Variants in CDH23 observed in about 807,000 individuals in gnomAD.
The protein encoded by CDH23 is cadherin-23.
CDH23 carries 189 observed loss-of-function variants against 317.1 expected under a neutral mutation model. The observed-to-expected ratio is 0.60, with a 90% CI of 0.53 to 0.67. The LOEUF (loss-of-function observed/expected upper bound fraction) is 0.67, where lower values mean the gene tolerates loss of function less well. CDH23 is among the 30% of genes least tolerant of loss of function. The pLI, the probability that CDH23 is intolerant of heterozygous loss-of-function variation, is 0.00. For synonymous variants in CDH23, 1,839 were observed against 1,876.8 expected (o/e 0.98, Z 0.52); for missense variants, 4,401 against 4,592.4 (o/e 0.96, Z 1.20).
In CDH23 at chr10:71,566,845, T is replaced by G; in HGVS notation, c.533T>G (p.Phe178Cys). The G allele has an allele frequency of 6.2e-7, 1 of 1,613,916 alleles. No individual in the cohort carries two copies. The highest frequency in any genetic ancestry group is 8.5e-7 in the Non-Finnish European group (1 of 1,179,874). Residue 178 changes from phenylalanine to cysteine, a missense_variant, in exon 7 of 70, where the codon TTC (phenylalanine) becomes TGC (cysteine). Physicochemically the swap from Phe to Cys is radical, Grantham distance 205. This residue lies in a region of CDH23 where 3,068 missense variants were observed against 3,203.3 expected (regional missense o/e 0.96). Transcript: ENST00000224721. ...LYSFQPPSQF[F>C]AIDSARGIVT... The stretch of plus-strand genomic sequence containing the variant: ...TCCTTCCAGCCCCCCTCCCAATTCT[T>G]CGCCATTGACAGCGCCCGCGGTATC...
In CDH23 at chr10:71,741,821, G is replaced by A. The variant is rs1839742231; in HGVS notation, c.4745G>A (p.Ser1582Asn). The part of the protein sequence containing the change: ...KDMAFRMDRI[S>N]GEIATRPAPP... The stretch of plus-strand genomic sequence containing the variant: ...ATGGCCTTCCGCATGGACCGCATCA[G>A]CGGTGAGATCGCCACACGGCCTGCC... The change falls in exon 38 of 70, where the codon AGC becomes AAC. Residue 1582 changes from serine (S) to asparagine (N), a missense_variant. Coordinates refer to ENST00000224721, the MANE Select transcript of CDH23 (RefSeq NM_022124.6). 1 of 1,611,916 alleles carries A rather than the reference G, an allele frequency of 6.2e-7. No individual in the cohort carries two copies. The highest frequency in any genetic ancestry group is 1.3e-5 in the African/African-American group (1 of 74,910).
intron 38 of CDH23, among the ~76,000 whole-genome samples, chr10:71,771,376 G>A (rs188602172): frequency 9.2e-5 from 14 of 152,288 alleles, no homozygotes; most frequent in East Asian, 1.9e-4. Flanking sequence ...GGCTGGCCCC[G>A]GCCACTCTAT....
At chr10:71,701,111 G>A (rs1374675325) in intron 22 of CDH23, among the ~76,000 whole-genome samples, 2 of 152,214 alleles carry the variant, frequency 1.3e-5, no homozygotes, top group Non-Finnish European at 2.9e-5. Context: ...AGGGTCGGGG[G>A]TGAGCGAGGG....
chr10:71,777,397 G>A (rs1034927350), intron 38 of CDH23, among the ~76,000 whole-genome samples: 4 of 149,858 alleles, frequency 2.7e-5, no homozygotes, highest in Admixed American at 6.7e-5. Context: ...TTTGCATCTG[G>A]CCTCAGCAGT....
At chr10:71,641,318 G>A (rs1459182467) in intron 11 of CDH23, among the ~76,000 whole-genome samples, 1 of 152,178 alleles carries the variant, frequency 6.6e-6, no homozygotes, top group Admixed American at 6.5e-5. Context: ...ATTCTGTTGT[G>A]TATCTAGGGA....
In CDH23 at chr10:71,728,936, T is replaced by C. The variant is rs529973882; in HGVS notation, c.3580-1533T>C. ...GTCTCAAACTCCTGGGCTCAAGCGA[T>C]CCTCTTGCCTCCGCCTCCCTAGTAG... On this transcript the variant is annotated intron_variant, in intron 30 of 69. Transcript: ENST00000224721. 1.1e-4 allele frequency among the ~76,000 whole-genome samples: 16 copies of C among 152,248 alleles called. No homozygotes were observed. In the East Asian group the frequency reaches 3.1e-3, roughly 29 times the overall value.
chr10:71,399,108 A>G (rs969224134), intron 1 of CDH23, among the ~76,000 whole-genome samples: 1 of 152,192 alleles, frequency 6.6e-6, no homozygotes, highest in African/African-American at 2.4e-5. Context: ...TTTGAGGTTC[A>G]TTTATTTGAG....
intron 7 of CDH23, among the ~76,000 whole-genome samples, chr10:71,569,800 C>T (rs1399410389): frequency 6.6e-6 from 1 of 152,154 alleles, no homozygotes; most frequent in Non-Finnish European, 1.5e-5. Flanking sequence ...ACTGCAGTTA[C>T]TATTATTGCT....
intron 11 of CDH23, among the ~76,000 whole-genome samples, chr10:71,630,798 C>T (rs79671953): frequency 0.021 from 3,146 of 152,212 alleles, 108 homozygotes; most frequent in African/African-American, 0.072. Flanking sequence ...CCTCGATGGC[C>T]GATCTCAAGC....
chr10:71,658,384 C>T (rs185745039), intron 14 of CDH23, among the ~76,000 whole-genome samples: 14 of 152,312 alleles, frequency 9.2e-5, no homozygotes, highest in African/African-American at 3.4e-4. Flanking sequence ...AGTGAATTGT[C>T]CTGGACCTTG....
chr10:71,734,715 C>T (rs568738644), intron 34 of CDH23, 57 bp downstream of exon 34: 18 of 1,198,344 alleles, frequency 1.5e-5, no homozygotes, highest in South Asian at 1.4e-4. Context: ...CAGTGCTGGC[C>T]GGGCTCTGCC....
Position 71,702,056 on chromosome 10 carries a change from G to A in CDH23, c.2432G>A (p.Gly811Asp), listed in dbSNP as rs1203928940. 1 of 1,613,780 alleles carries A rather than the reference G, an allele frequency of 6.2e-7. No individual in the cohort carries two copies. ...VAVDPDLGEN[G>D]TLVYSIQPPN... ...GTTGACCCAGACCTGGGGGAGAATG[G>A]CACCCTGGTGTACAGCATCCAGCCA... Residue 811 changes from glycine to aspartate, a missense_variant, in exon 23 of 70, where the codon GGC (glycine) becomes GAC (aspartate). Gly to Asp is a moderately conservative substitution (Grantham distance 94). This residue lies in a region of CDH23 where 3,068 missense variants were observed against 3,203.3 expected (regional missense o/e 0.96). Coordinates refer to ENST00000224721, the MANE Select transcript of CDH23 (RefSeq NM_022124.6).
chr10:71,652,461 T>C (rs1225144522), intron 14 of CDH23, among the ~76,000 whole-genome samples: 1 of 152,224 alleles, frequency 6.6e-6, no homozygotes, highest in Non-Finnish European at 1.5e-5. Context: ...AGGTAAGATT[T>C]ACAGATGGCA....
chr10:71,574,725 G>A (rs1306771634), intron 8 of CDH23, among the ~76,000 whole-genome samples: 1 of 152,134 alleles, frequency 6.6e-6, no homozygotes, highest in Non-Finnish European at 1.5e-5. Context: ...GGCATCTTTG[G>A]AAGGGGACAA....
chr10:71,720,420 AACACACACACACACAC>A (rs57346519), intron 28 of CDH23, among the ~76,000 whole-genome samples: 45 of 145,750 alleles, frequency 3.1e-4, no homozygotes, highest in Non-Finnish European at 5.4e-4. Context: ...CTCTTTCCAA[AACACACACACACACAC>A]ACACACACAC....
intron 14 of CDH23, among the ~76,000 whole-genome samples, chr10:71,673,852 G>T (rs1215759467): frequency 2.0e-5 from 3 of 152,246 alleles, no homozygotes; most frequent in Non-Finnish European, 4.4e-5. Flanking sequence ...AATGGCACAG[G>T]CAGTGGGAGA....
intron 9 of CDH23, among the ~76,000 whole-genome samples, chr10:71,609,946 T>TC (rs1279575833): frequency 7.2e-6 from 1 of 138,990 alleles, no homozygotes; most frequent in African/African-American, 2.7e-5. Context: ...GTGTAAGGAC[T>TC]CCCCCGTGTG....
Position 71,705,046 on chromosome 10 carries a change from C to T in CDH23, c.2869C>T (p.Arg957Cys), listed in dbSNP as rs532018311. ...VVTTTELDRE[R>C]IAEYQLRVVA... is the part of the protein sequence containing the mutation. The stretch of plus-strand genomic sequence containing the variant: ...CACCACCACCGAGCTGGACCGCGAG[C>T]GCATCGCGGAGTACCAGCTGCGGGT... The change falls in exon 25 of 70, where the codon CGC becomes TGC. Residue 957 changes from arginine (R) to cysteine (C), a missense_variant. Arg to Cys is a radical substitution (Grantham distance 180). Coordinates refer to ENST00000224721, the MANE Select transcript of CDH23 (RefSeq NM_022124.6). 44 of 1,612,622 alleles carry T rather than the reference C, an allele frequency of 2.7e-5. No individual in the cohort carries two copies. The African/African-American group carries it at 3.6e-4, about 13-fold the overall frequency.
intron 1 of CDH23, among the ~76,000 whole-genome samples, chr10:71,410,415 TC>T (rs1422696311): frequency 6.6e-6 from 1 of 152,116 alleles, no homozygotes; most frequent in Non-Finnish European, 1.5e-5. Context: ...GCAGCTTTGC[TC>T]TATGCCCACC....
Sources: allele counts gnomAD v4.1 joint callset (sites outside exome capture counted in the v4.1 genomes callset), GRCh38; gene constraint gnomAD v4.1.1; regional missense constraint gnomAD v4.1.1; transcripts MANE v1.5; gene names NCBI Gene and HGNC (gene_info 2026-07-23, HGNC 2026-07-21).